Variants in GXYLT1 observed in about 807,000 individuals in gnomAD.
GXYLT1 encodes glycosyltransferase 8 domain containing 3.
In GXYLT1, 29 loss-of-function variants were observed where a neutral mutation model predicts 54.0. The ratio of observed to expected loss-of-function variants is 0.54; its 90% CI spans 0.40 to 0.73. The LOEUF (loss-of-function observed/expected upper bound fraction) is 0.73. Among genes scored for constraint, GXYLT1 ranks in the 30% least tolerant of loss-of-function variants. GXYLT1 has a pLI of 0.00. For missense variants in GXYLT1, 490 were observed against 553.4 expected (o/e 0.89, Z 1.15); for synonymous variants, 176 against 204.1 (o/e 0.86, Z 1.17).
intron 7 of GXYLT1, among the ~76,000 whole-genome samples, chr12:42,091,681 G>GT (rs1353731724): frequency 6.6e-6 from 1 of 152,186 alleles, no homozygotes; most frequent in Non-Finnish European, 1.5e-5. Context: ...TTTAGAAGCT[G>GT]TATCTGTCAA....
At position 42,087,609 on chromosome 12, in the gene GXYLT1, C is replaced by T; in HGVS notation, c.*177G>A. 1 of 526,278 alleles carries T rather than the reference C, an allele frequency of 1.9e-6. No homozygotes were observed. Among genetic ancestry groups the T allele is most frequent in the South Asian group, 2.4e-5 (1 of 40,850 alleles). 32.6% of individuals were successfully genotyped at this position (526,278 alleles called of 1,614,324 possible). The stretch of plus-strand genomic sequence containing the variant: ...ATAAAAAATGTTCAATGTTGAGGCC[C>T]AAGATTTTAACTTATTCTTCATTAC... On this transcript the variant is annotated 3_prime_UTR_variant, in exon 8 of 8. Transcript: ENST00000398675.
chr12:42,100,699 G>A (rs2065384816), intron 5 of GXYLT1, among the ~76,000 whole-genome samples: 1 of 151,808 alleles, frequency 6.6e-6, no homozygotes, highest in Non-Finnish European at 1.5e-5. Context: ...TTTACTTAAG[G>A]AAACAATTTG....
At chr12:42,108,888 G>A (rs376094500) in intron 4 of GXYLT1, among the ~76,000 whole-genome samples, 1 of 151,992 alleles carries the variant, frequency 6.6e-6, no homozygotes, top group Admixed American at 6.6e-5. Context: ...CTGCAAAACT[G>A]TAAGTATTTA....
chr12:42,095,708 T>G (rs2065351907), intron 7 of GXYLT1, among the ~76,000 whole-genome samples: 1 of 148,140 alleles, frequency 6.8e-6, no homozygotes, highest in African/African-American at 2.5e-5. Context: ...TGAAGTATAT[T>G]AATATCCCCC....
intron 7 of GXYLT1, among the ~76,000 whole-genome samples, chr12:42,091,253 A>G (rs2065327263): frequency 6.6e-6 from 1 of 152,206 alleles, no homozygotes; most frequent in African/African-American, 2.4e-5. Flanking sequence ...AACACAGAAG[A>G]TAATTAATCA....
intron 3 of GXYLT1, among the ~76,000 whole-genome samples, chr12:42,112,791 C>T (rs1565573110): frequency 3.3e-5 from 5 of 150,870 alleles, no homozygotes; most frequent in South Asian, 2.1e-4. Context: ...ATACAGAGAA[C>T]GCCACAAAGA....
Position 42,082,463 on chromosome 12 carries a change from T to C in GXYLT1, c.*5323A>G, listed in dbSNP as rs2065259564. ...TTATAAAAAGGTTGAAAATGGCTGTTTTTCATAGTCAAAGCCAATTTCCTT... is the reference window on the plus strand; with the variant it reads ...TTATAAAAAGGTTGAAAATGGCTGTCTTTCATAGTCAAAGCCAATTTCCTT... On this transcript the variant is annotated 3_prime_UTR_variant, in exon 8 of 8. Transcript: ENST00000398675. 1 of 152,124 alleles carries C rather than the reference T, an allele frequency of 6.6e-6. No individual in the cohort carries two copies. Among genetic ancestry groups the C allele is most frequent in the Admixed American group, 6.6e-5 (1 of 15,266 alleles). The allele number at this position is 152,124 out of a possible 1,614,324, so 9.4% of individuals were successfully genotyped here. A position where few individuals can be genotyped will look rare whatever the true frequency, so the allele number is the denominator to read the frequency against.
At chr12:42,141,177 G>A (rs988654586) in intron 1 of GXYLT1, among the ~76,000 whole-genome samples, 1 of 152,118 alleles carries the variant, frequency 6.6e-6, no homozygotes, top group East Asian at 1.9e-4. Context: ...GTCCACAAAC[G>A]GGCATGCAAC....
intron 7 of GXYLT1, among the ~76,000 whole-genome samples, chr12:42,093,225 G>A (rs560388613): frequency 2.6e-5 from 4 of 152,156 alleles, no homozygotes; most frequent in South Asian, 4.2e-4. Flanking sequence ...AGCCTCCCAA[G>A]TAGCTGGGAT....
intron 4 of GXYLT1, among the ~76,000 whole-genome samples, chr12:42,109,086 T>C (rs2065437052): frequency 6.6e-6 from 1 of 152,230 alleles, no homozygotes; most frequent in Non-Finnish European, 1.5e-5. Flanking sequence ...TTTGAGTTCA[T>C]ATGCCTTAAA....
chr12:42,094,553 G>C (rs1033742271), intron 7 of GXYLT1, among the ~76,000 whole-genome samples: 3 of 150,258 alleles, frequency 2.0e-5, no homozygotes, highest in Non-Finnish European at 1.5e-5. Context: ...CAGCTACTTA[G>C]GAGGCTGAGG....
chr12:42,122,557 T>C (rs1441151158), intron 2 of GXYLT1, among the ~76,000 whole-genome samples: 1 of 152,144 alleles, frequency 6.6e-6, no homozygotes, highest in African/African-American at 2.4e-5. Flanking sequence ...GCCATTGCAC[T>C]ACAGTCTGGG....
At chr12:42,142,991 TA>T (rs1224307268) in intron 1 of GXYLT1, among the ~76,000 whole-genome samples, 20 of 152,176 alleles carry the variant, frequency 1.3e-4, no homozygotes, top group African/African-American at 4.3e-4. Flanking sequence ...AACGTTTCAG[TA>T]ATGATTATAT....
At chr12:42,128,867 G>A (rs2065578464) in intron 2 of GXYLT1, among the ~76,000 whole-genome samples, 1 of 151,918 alleles carries the variant, frequency 6.6e-6, no homozygotes, top group African/African-American at 2.4e-5. Context: ...TAGAGACAGG[G>A]TCTTGCTTTT....
At chr12:42,125,074 C>T (rs1225929316) in intron 2 of GXYLT1, among the ~76,000 whole-genome samples, 1 of 152,012 alleles carries the variant, frequency 6.6e-6, no homozygotes, top group Non-Finnish European at 1.5e-5. Flanking sequence ...AATACAATAA[C>T]CAAGAGGAGA....
chr12:42,139,296 T>C (rs914270828), intron 1 of GXYLT1, among the ~76,000 whole-genome samples: 5 of 152,034 alleles, frequency 3.3e-5, no homozygotes, highest in Non-Finnish European at 7.3e-5. Context: ...TTTTAATTAA[T>C]TAATTACTAG....
At chr12:42,140,482 T>C (rs867213879) in intron 1 of GXYLT1, among the ~76,000 whole-genome samples, 31 of 152,224 alleles carry the variant, frequency 2.0e-4, no homozygotes, top group Admixed American at 5.2e-4. Flanking sequence ...CTAGGTACTC[T>C]GTATCAGCTA....
chr12:42,088,199 T>C (rs74989435), intron 7 of GXYLT1, among the ~76,000 whole-genome samples: 3,969 of 151,904 alleles, frequency 0.026, 92 homozygotes, highest in East Asian at 0.051. Flanking sequence ...AAGACTGAAA[T>C]ACTGGTTAAG....
intron 1 of GXYLT1, among the ~76,000 whole-genome samples, chr12:42,135,292 C>T: frequency 6.6e-6 from 1 of 152,150 alleles, no homozygotes; most frequent in East Asian, 1.9e-4. Flanking sequence ...TAGCCATAGA[C>T]ATGTAATGTG....
Sources: gnomAD v4.1 joint callset for allele counts (sites outside exome capture counted in the v4.1 genomes callset) on GRCh38, gnomAD v4.1.1 for gene constraint, MANE v1.5 for transcripts, NCBI Gene and HGNC (gene_info 2026-07-23, HGNC 2026-07-21) for gene names.